Variants in FANCB observed in about 807,000 individuals in gnomAD.
FANCB encodes Fanconi anemia group B protein.
In FANCB, 5 loss-of-function variants were observed where a neutral mutation model predicts 38.9. The ratio of observed to expected loss-of-function variants is 0.13; its 90% CI spans 0.07 to 0.27. The LOEUF (loss-of-function observed/expected upper bound fraction) is 0.27, where lower values mean the gene tolerates loss of function less well. Among genes scored for constraint, FANCB ranks in the 10% least tolerant of loss-of-function variants. The probability of loss-of-function intolerance (pLI) is 1.00; values close to 1 mark genes in which losing one functional copy is unlikely to be tolerated. For missense variants in FANCB, 573 were observed against 602.7 expected, an observed-to-expected ratio of 0.95 and a Z score of 0.52; for synonymous variants, 236 against 215.4, an observed-to-expected ratio of 1.10 and a Z score of -0.84.
chrX:14,817,653 GACATTCCTAAT>G, the FANCB span, among the ~76,000 whole-genome samples: 1 of 111,531 alleles, frequency 9.0e-6, no homozygotes, highest in Non-Finnish European at 1.9e-5. Context: ...CATAATAACT[GACATTCCTAAT>G]AATGACTCTG....
the FANCB span, among the ~76,000 whole-genome samples, chrX:14,798,709 G>A: frequency 3.6e-5 from 4 of 112,029 alleles, no homozygotes; most frequent in African/African-American, 6.5e-5. Flanking sequence ...ATGACAGAAC[G>A]TGATCAAGTC....
chrX:14,848,728 T>G (rs916762189), intron 7 of FANCB, among the ~76,000 whole-genome samples: 2 of 112,252 alleles, frequency 1.8e-5, no homozygotes, highest in Admixed American at 9.4e-5. Flanking sequence ...CATACAAAAA[T>G]GTACTGTACT....
At chrX:14,858,947 G>A (rs1397998033) in intron 4 of FANCB, among the ~76,000 whole-genome samples, 3 of 111,457 alleles carry the variant, frequency 2.7e-5, no homozygotes, top group African/African-American at 9.8e-5. Flanking sequence ...TGTCACTTAA[G>A]TGACCACCAA....
chrX:14,815,453 A>G, the FANCB span, among the ~76,000 whole-genome samples: 833 of 112,604 alleles, frequency 7.4e-3, 6 homozygotes, highest in Non-Finnish European at 0.011. Flanking sequence ...ATTGCTAATC[A>G]TCAGATAAAT....
chrX:14,826,702 A>T, the FANCB span, among the ~76,000 whole-genome samples: 4 of 112,019 alleles, frequency 3.6e-5, no homozygotes, highest in Non-Finnish European at 7.5e-5. Flanking sequence ...TCTCTGAGAC[A>T]GGAGTCACAA....
the FANCB span, among the ~76,000 whole-genome samples, chrX:14,807,426 T>C: frequency 1.8e-4 from 20 of 112,652 alleles, no homozygotes; most frequent in Non-Finnish European, 3.4e-4. Flanking sequence ...AGAAGCTATA[T>C]CTCTGAAATT....
the FANCB span, among the ~76,000 whole-genome samples, chrX:14,729,409 C>T: frequency 9.0e-6 from 1 of 111,126 alleles, no homozygotes; most frequent in African/African-American, 3.3e-5. Context: ...TACCCAGATC[C>T]CATACATTTT....
chrX:14,771,265 A>T, the FANCB span, among the ~76,000 whole-genome samples: 1 of 111,113 alleles, frequency 9.0e-6, no homozygotes, highest in Non-Finnish European at 1.9e-5. Flanking sequence ...TCTCTCAGGT[A>T]CCCCAATCAG....
the FANCB span, among the ~76,000 whole-genome samples, chrX:14,818,433 G>C: frequency 9.2e-6 from 1 of 108,923 alleles, no homozygotes; most frequent in Admixed American, 9.8e-5. Context: ...AAACACTGGC[G>C]GGGGGTTGGG....
chrX:14,764,130 C>T, the FANCB span, among the ~76,000 whole-genome samples: 1 of 111,719 alleles, frequency 9.0e-6, no homozygotes, highest in Non-Finnish European at 1.9e-5. Context: ...CAGAGATTAG[C>T]TGGGTCCTCT....
intron 5 of FANCB, among the ~76,000 whole-genome samples, chrX:14,853,645 C>T (rs6631211): frequency 0.069 from 7,757 of 111,869 alleles, 598 homozygotes; most frequent in African/African-American, 0.22. Flanking sequence ...ATGTAACCTT[C>T]ATAGCAAAAT....
the FANCB span, chrX:14,730,632 T>A: frequency 2.3e-6 from 1 of 442,945 alleles, no homozygotes; most frequent in Non-Finnish European, 3.9e-6. Flanking sequence ...GGCACCTACA[T>A]GAAAAAAAAG....
chrX:14,771,721 C>A, the FANCB span, among the ~76,000 whole-genome samples: 1 of 112,116 alleles, frequency 8.9e-6, no homozygotes, highest in Admixed American at 9.4e-5. Context: ...GGCAATCTGG[C>A]TTTTTGAGTT....
chrX:14,706,844 T>G, the FANCB span, among the ~76,000 whole-genome samples: 3 of 112,201 alleles, frequency 2.7e-5, no homozygotes, highest in Admixed American at 2.8e-4. Context: ...AACTTCATTC[T>G]GGAAAGCACA....
downstream of FANCB, chrX:14,834,638 C>T: frequency 1.7e-6 from 1 of 596,790 alleles, no homozygotes; most frequent in Non-Finnish European, 2.8e-6. Context: ...AACTAGGTCC[C>T]TTTGGTGTTT....
At chrX:14,785,963 A>G in the FANCB span, among the ~76,000 whole-genome samples, 1 of 111,678 alleles carries the variant, frequency 9.0e-6, no homozygotes, top group South Asian at 3.8e-4. Flanking sequence ...GAATGCCTAG[A>G]AAAGTCTGAG....
At chrX:14,721,779 C>T in the FANCB span, among the ~76,000 whole-genome samples, 1 of 111,626 alleles carries the variant, frequency 9.0e-6, no homozygotes, top group Non-Finnish European at 1.9e-5. Context: ...GCCTGTTCTT[C>T]AGTTCTTTGT....
chrX:14,834,895 A>G (rs1273836721), downstream of FANCB: 3 of 716,112 alleles, frequency 4.2e-6, no homozygotes, highest in South Asian at 4.3e-5. Context: ...CCAGGGACCA[A>G]CTGCTTTCCA....
the FANCB span, among the ~76,000 whole-genome samples, chrX:14,824,797 A>G: frequency 8.9e-6 from 1 of 112,376 alleles, no homozygotes; most frequent in Non-Finnish European, 1.9e-5. Context: ...AAGTCAAGAC[A>G]TGGCAATTAT....
Sources: allele counts gnomAD v4.1 joint callset (sites outside exome capture counted in the v4.1 genomes callset), GRCh38; gene constraint gnomAD v4.1.1; transcripts MANE v1.5; gene names NCBI Gene and HGNC (gene_info 2026-07-23, HGNC 2026-07-21).